The following TBC1D19 variants were observed in gnomAD, a reference collection of about 807,000 sequenced individuals.
TBC1D19 encodes the protein TBC1 domain family member 19.
TBC1D19 carries 60 observed loss-of-function variants against 89.0 expected under a neutral mutation model. That is an observed-to-expected ratio of 0.67 (90% CI 0.55 to 0.84). The LOEUF is 0.84. Among genes scored for constraint, TBC1D19 ranks in the 40% least tolerant of loss-of-function variants. The pLI, the probability that TBC1D19 is intolerant of heterozygous loss-of-function variation, is 0.00. For synonymous variants in TBC1D19, 189 were observed against 199.7 expected, an observed-to-expected ratio of 0.95 and a Z score of 0.45; for missense variants, 500 against 610.8, an observed-to-expected ratio of 0.82 and a Z score of 1.91.
chr4:26,728,682 T>C (rs1717468071), intron 15 of TBC1D19, among the ~76,000 whole-genome samples: 1 of 152,220 alleles, frequency 6.6e-6, no homozygotes, highest in Admixed American at 6.5e-5. Flanking sequence ...TTAATTTTTT[T>C]AGTTTCTAGA....
chr4:26,730,294 T>G (rs1717573661), intron 15 of TBC1D19, among the ~76,000 whole-genome samples: 1 of 152,168 alleles, frequency 6.6e-6, no homozygotes, highest in African/African-American at 2.4e-5. Context: ...CTCAAAGGAT[T>G]TATTCTACTG....
intron 15 of TBC1D19, among the ~76,000 whole-genome samples, chr4:26,735,065 T>C (rs1239943706): frequency 6.6e-6 from 1 of 151,150 alleles, no homozygotes; most frequent in Non-Finnish European, 1.5e-5. Context: ...TATATGTATA[T>C]ATGTATACAC....
At chr4:26,780,446 G>A in the TBC1D19 span, among the ~76,000 whole-genome samples, 1 of 152,166 alleles carries the variant, frequency 6.6e-6, no homozygotes, top group African/African-American at 2.4e-5. Flanking sequence ...ACTGAAAGAG[G>A]CAATGTGGCT....
At chr4:26,744,205 A>G (rs1196900473) in intron 18 of TBC1D19, among the ~76,000 whole-genome samples, 1 of 151,724 alleles carries the variant, frequency 6.6e-6, no homozygotes, top group East Asian at 1.9e-4. Flanking sequence ...TTTAATATTT[A>G]TAGGGTTAGT....
At chr4:26,667,458 G>A (rs1711912687) in intron 9 of TBC1D19, among the ~76,000 whole-genome samples, 1 of 151,958 alleles carries the variant, frequency 6.6e-6, no homozygotes. Context: ...CATACAGTGT[G>A]TCTCTGTGAT....
intron 16 of TBC1D19, among the ~76,000 whole-genome samples, chr4:26,737,969 G>A (rs1243590283): frequency 6.6e-6 from 1 of 151,856 alleles, no homozygotes; most frequent in Non-Finnish European, 1.5e-5. Context: ...TATTGTAGGT[G>A]TATAGTATAT....
chr4:26,773,026 T>A, the TBC1D19 span, among the ~76,000 whole-genome samples: 13 of 152,182 alleles, frequency 8.5e-5, no homozygotes, highest in African/African-American at 3.1e-4. Flanking sequence ...CTCTGGGTCT[T>A]TGAGGAATCA....
chr4:26,847,163 A>T, the TBC1D19 span, among the ~76,000 whole-genome samples: 5 of 152,134 alleles, frequency 3.3e-5, no homozygotes, highest in Admixed American at 3.3e-4. Flanking sequence ...GCTACCACAC[A>T]CTCTTCTAGC....
the TBC1D19 span, among the ~76,000 whole-genome samples, chr4:26,779,511 C>G: frequency 3.9e-5 from 6 of 152,362 alleles, no homozygotes; most frequent in East Asian, 1.2e-3. Context: ...GTCTACCTTT[C>G]TTTCCCCGGG....
intron 10 of TBC1D19, among the ~76,000 whole-genome samples, chr4:26,672,684 T>C (rs1174932548): frequency 6.6e-6 from 1 of 152,012 alleles, no homozygotes; most frequent in Non-Finnish European, 1.5e-5. Context: ...AAGATTCTTT[T>C]CCTTGTTTTT....
chr4:26,626,558 C>T (rs1206163698), intron 4 of TBC1D19, among the ~76,000 whole-genome samples: 1 of 152,050 alleles, frequency 6.6e-6, no homozygotes, highest in Non-Finnish European at 1.5e-5. Context: ...AGATTTGAAC[C>T]TGGTCAGCCT....
intron 4 of TBC1D19, among the ~76,000 whole-genome samples, chr4:26,623,950 G>A (rs1458451732): frequency 6.6e-6 from 1 of 151,926 alleles, no homozygotes; most frequent in Non-Finnish European, 1.5e-5. Flanking sequence ...ATAAGCAGAC[G>A]AACCCTTATA....
chr4:26,800,872 A>G, the TBC1D19 span, among the ~76,000 whole-genome samples: 1 of 151,946 alleles, frequency 6.6e-6, no homozygotes, highest in African/African-American at 2.4e-5. Context: ...TCCTCTTGTA[A>G]ATTTGTTTGA....
chr4:26,723,868 A>G (rs1717134013), intron 15 of TBC1D19, among the ~76,000 whole-genome samples: 1 of 152,212 alleles, frequency 6.6e-6, no homozygotes, highest in Admixed American at 6.5e-5. Context: ...AAAATCAGTC[A>G]ATCATCAGTC....
the TBC1D19 span, among the ~76,000 whole-genome samples, chr4:26,843,723 C>T: frequency 2.6e-4 from 40 of 152,126 alleles, no homozygotes; most frequent in East Asian, 7.7e-3. Flanking sequence ...TACCCTAGAC[C>T]AGGTAATTTA....
chr4:26,585,701 C>T (rs918219889), intron 1 of TBC1D19, among the ~76,000 whole-genome samples: 15 of 151,852 alleles, frequency 9.9e-5, no homozygotes, highest in African/African-American at 3.4e-4. Flanking sequence ...CTCCCGCCTT[C>T]GCCTCCTGAA....
At chr4:26,582,005 G>T (rs760416944), upstream of TBC1D19, among the ~76,000 whole-genome samples, 2 of 150,872 alleles carry the variant, frequency 1.3e-5, no homozygotes, top group African/African-American at 4.9e-5. Context: ...CATGCTTTCC[G>T]AATTAGAGCC....
chr4:26,741,362 CAAAAA>C (rs34342483), intron 17 of TBC1D19, among the ~76,000 whole-genome samples: 3 of 73,676 alleles, frequency 4.1e-5, no homozygotes, highest in South Asian at 4.8e-4. Flanking sequence ...GACTCTGTCT[CAAAAA>C]AAAAAAAAAA....
intron 9 of TBC1D19, 113 bp downstream of exon 9, chr4:26,666,518 G>A: frequency 1.3e-6 from 1 of 782,510 alleles, no homozygotes; most frequent in Admixed American, 2.4e-5. Context: ...AACTAAGCAT[G>A]CTTTTGCCTC....
Sources: allele counts gnomAD v4.1 joint callset (sites outside exome capture counted in the v4.1 genomes callset), GRCh38; gene constraint gnomAD v4.1.1; transcripts MANE v1.5; gene names NCBI Gene and HGNC (gene_info 2026-07-23, HGNC 2026-07-21).